The following TTBK1 variants were observed in gnomAD, a reference collection of about 807,000 sequenced individuals.
TTBK1 encodes tau-tubulin kinase 1.
In TTBK1, 34 loss-of-function variants were observed where a neutral mutation model predicts 108.5. The observed-to-expected ratio is 0.31, with a 90% CI of 0.24 to 0.42. The LOEUF (loss-of-function observed/expected upper bound fraction) is 0.42, where lower values mean the gene tolerates loss of function less well. TTBK1 is among the 10% of genes least tolerant of loss of function. The pLI is 1.00. For synonymous variants in TTBK1, 809 were observed against 795.1 expected (o/e 1.02, Z -0.29); for missense variants, 1,539 against 1,826.0 (o/e 0.84, Z 2.86).
At chr6:43,279,602 AT>A in intron 13 of TTBK1, among the ~76,000 whole-genome samples, 1 of 152,212 alleles carries the variant, frequency 6.6e-6, no homozygotes, top group Non-Finnish European at 1.5e-5. Context: ...TAGCCATAAC[AT>A]TGGTGACTGG....
rs2150708385 is a variant in TTBK1 at position 43,276,275 on chromosome 6, C to T, written c.1987-6452C>T. 6.6e-6 allele frequency among the ~76,000 whole-genome samples: 1 copy of T among 152,320 alleles called. No homozygotes were observed. The highest frequency in any genetic ancestry group is 2.4e-5 in the African/African-American group (1 of 41,568). ...AAAAACTCAAAACCACACACACGCT[C>T]ACACGCACACACACGCACACGAAGA... is the stretch of plus-strand genomic sequence containing the variant. On this transcript the variant is annotated intron_variant, in intron 13 of 14. Coordinates refer to ENST00000259750, the MANE Select transcript of TTBK1 (RefSeq NM_032538.3). The surrounding 1 kb of genome is among the most constrained non-coding windows in gnomAD (Gnocchi z 5.4).
intron 12 of TTBK1, among the ~76,000 whole-genome samples, chr6:43,261,155 C>A (rs1166453694): frequency 6.6e-6 from 1 of 152,060 alleles, no homozygotes; most frequent in African/African-American, 2.4e-5. Context: ...TGTGCACAGT[C>A]AGACTGGGCA....
At position 43,259,185 on chromosome 6, in the gene TTBK1, T is replaced by TGTCCCCCACCCC. The variant is rs752859813; in HGVS notation, c.1166_1177dup (p.Val389_Pro392dup). On this transcript the variant is annotated inframe_insertion, in exon 11 of 15. Coordinates refer to ENST00000259750, the MANE Select transcript of TTBK1 (RefSeq NM_032538.3). This position sits in a 1 kb window ranked among gnomAD's most constrained non-coding sequence, Gnocchi z 6.7. Reference sequence around the variant, plus strand: ...AGGGGCTGGGCCCCAGTCCCCACCTTGTCCCCCACCCCGGGGGTCCTGAGG... The same window carrying TGTCCCCCACCCC: ...AGGGGCTGGGCCCCAGTCCCCACCTTGTCCCCCACCCCGTCCCCCACCCCGGGGGTCCTGAGG... The TGTCCCCCACCCC allele has an allele frequency of 2.0e-5, 32 of 1,609,616 alleles. No homozygotes were observed. Among genetic ancestry groups the TGTCCCCCACCCC allele is most frequent in the Non-Finnish European group, 2.7e-5 (32 of 1,178,012 alleles).
At position 43,255,078 on chromosome 6, in the gene TTBK1, G is replaced by C. The variant is rs201422741; in HGVS notation, c.606G>C (p.Thr202=). 3.1e-6 allele frequency: 5 copies of C among 1,613,608 alleles called. No homozygotes were observed. Among genetic ancestry groups the C allele is most frequent in the African/African-American group, 1.3e-5 (1 of 74,726 alleles). The change falls in exon 7 of 15, where the codon ACG becomes ACC. Residue 202 remains threonine, a synonymous_variant. Transcript: ENST00000259750. ...GGAATGTGGCCGGGTTTCGAGGAAC[G>C]GTTCGCTATGCCTCAGTCAATGCCC... The part of the protein sequence containing the change: ...PPRNVAGFRG[T]VRYASVNAHK...
chr6:43,256,141 C>CTT lies in TTBK1; in HGVS notation c.861+297_861+298dup, dbSNP rs35194954. On this transcript the variant is annotated intron_variant, in intron 9 of 14. Transcript: ENST00000259750. The stretch of plus-strand genomic sequence containing the variant: ...TGCTCCTTATATTATTATTCCAGCT[C>CTT]TTTTTTTTTTTTTAGACATAATCTT... Among the ~76,000 whole-genome samples the CTT allele has an allele frequency of 7.3e-3, 1,064 of 145,290 alleles. 13 individuals are homozygous for CTT. The highest frequency in any genetic ancestry group is 0.022 in the African/African-American group (859 of 39,416).
chr6:43,254,775 C>T (rs1447344027), intron 6 of TTBK1, 124 bp downstream of exon 6: 5 of 885,180 alleles, frequency 5.6e-6, no homozygotes, highest in Non-Finnish European at 8.6e-6. Flanking sequence ...GTATCAGCGC[C>T]ACCCAGCTCT....
Position 43,269,985 on chromosome 6 carries a change from G to A in TTBK1, c.1986+6635G>A. ...CCCCCCCTCCTGGAGGGGGCAGGTG[G>A]GGGGGGGTGGGGAGCAGGCAGAGGA... is the stretch of plus-strand genomic sequence containing the variant. On this transcript the variant is annotated intron_variant, in intron 13 of 14. Coordinates refer to ENST00000259750, the MANE Select transcript of TTBK1 (RefSeq NM_032538.3). The surrounding 1 kb of genome is among the most constrained non-coding windows in gnomAD (Gnocchi z 4.8). 6 of 1,425,526 alleles carry A rather than the reference G, an allele frequency of 4.2e-6. No homozygotes were observed. Among genetic ancestry groups the A allele is most frequent in the Non-Finnish European group, 4.6e-6 (5 of 1,094,204 alleles). 88.3% of individuals were successfully genotyped at this position (1,425,526 alleles called of 1,614,324 possible).
chr6:43,253,011 G>A lies in TTBK1; in HGVS notation c.256+125G>A. The A allele has an allele frequency of 8.0e-7, 1 of 1,252,524 alleles. No individual in the cohort carries two copies. The highest frequency in any genetic ancestry group is 2.0e-5 in the Admixed American group (1 of 48,826). 77.6% of individuals were successfully genotyped at this position (1,252,524 alleles called of 1,614,324 possible). A position where few individuals can be genotyped will look rare whatever the true frequency, so the allele number is the denominator to read the frequency against. ...TGTGGTAGAGGGAAAAGGGGATGGA[G>A]CCAGGAGCTAAGGGGGAGGTGACGG... On this transcript the variant is annotated intron_variant, in intron 3 of 14. Coordinates refer to ENST00000259750, the MANE Select transcript of TTBK1 (RefSeq NM_032538.3). This position sits in a 1 kb window ranked among gnomAD's most constrained non-coding sequence, Gnocchi z 5.8.
chr6:43,282,937 G>A lies in TTBK1; in HGVS notation c.2197G>A (p.Glu733Lys), dbSNP rs543120452. ...APVQPQANGK[E>K]EEEEEEEDEE... ...TGTTCAGCCTCAGGCTAATGGGAAG[G>A]AGGAAGAGGAGGAGGAGGAGGAAGA... Residue 733 changes from glutamate to lysine, a missense_variant, in exon 14 of 15, where the codon GAG (glutamate) becomes AAG (lysine). Coordinates refer to ENST00000259750, the MANE Select transcript of TTBK1 (RefSeq NM_032538.3). The surrounding 1 kb of genome is among the most constrained non-coding windows in gnomAD (Gnocchi z 5.4). 5.0e-6 allele frequency: 8 copies of A among 1,612,818 alleles called. No individual in the cohort carries two copies. In the African/African-American group the frequency reaches 1.1e-4, roughly 22 times the overall value.
At chr6:43,251,362 G>A (rs537581217) in intron 2 of TTBK1, among the ~76,000 whole-genome samples, 2 of 152,378 alleles carry the variant, frequency 1.3e-5, no homozygotes, top group African/African-American at 4.8e-5. Context: ...GTTTGGGAAG[G>A]TGCACAGAGC....
Position 43,269,909 on chromosome 6 carries a change from C to A in TTBK1, c.1986+6559C>A. On this transcript the variant is annotated intron_variant, in intron 13 of 14. Coordinates refer to ENST00000259750, the MANE Select transcript of TTBK1 (RefSeq NM_032538.3). This position sits in a 1 kb window ranked among gnomAD's most constrained non-coding sequence, Gnocchi z 4.8. ...CCTCGGTGCTCCGCATCTCGCGGTC[C>A]CAGCTGCAGCAGGTGTGGGCCCGGT... 1 of 1,503,774 alleles carries A rather than the reference C, an allele frequency of 6.6e-7. No individual in the cohort carries two copies. Among genetic ancestry groups the A allele is most frequent in the Non-Finnish European group, 8.9e-7 (1 of 1,128,978 alleles). 93.2% of individuals were successfully genotyped at this position (1,503,774 alleles called of 1,614,324 possible). A position where few individuals can be genotyped will look rare whatever the true frequency, so the allele number is the denominator to read the frequency against.
rs757980204 is a variant in TTBK1, at chr6:43,285,368, G to T, written c.3958G>T (p.Ala1320Ser). The change falls in exon 15 of 15, where the codon GCC becomes TCC. Residue 1320 changes from alanine to serine, a missense_variant. Physicochemically the swap from Ala to Ser is moderately conservative, Grantham distance 99. This residue lies in a region of TTBK1 where 1,055 missense variants were observed against 1,086.5 expected (regional missense o/e 0.97). Coordinates refer to ENST00000259750, the MANE Select transcript of TTBK1 (RefSeq NM_032538.3). The surrounding 1 kb of genome is among the most constrained non-coding windows in gnomAD (Gnocchi z 4.7). ...AGGAGGCGCGGAGGGCCGGGCTGGG[G>T]CCAGATAATGACGCCCGCTGCTCTC... ...RAGGAEGRAG[A>S]R The T allele has an allele frequency of 7.0e-6, 9 of 1,278,890 alleles. No homozygotes were observed. The highest frequency in any genetic ancestry group is 1.5e-5 in the African/African-American group (1 of 64,574). The allele number at this position is 1,278,890 out of a possible 1,614,324, so 79.2% of individuals were successfully genotyped here.
Position 43,285,231 on chromosome 6 carries a change from G to C in TTBK1, c.3821G>C (p.Arg1274Pro), listed in dbSNP as rs1376684427. 1 of 1,300,710 alleles carries C rather than the reference G, an allele frequency of 7.7e-7. No homozygotes were observed. The highest frequency in any genetic ancestry group is 4.2e-5 in the Admixed American group (1 of 23,830). 80.6% of individuals were successfully genotyped at this position (1,300,710 alleles called of 1,614,324 possible). ...GCCCGGCCCGGGGTCCCCCCGCCCC[G>C]GGGCGTCCCGCCGGCCCGGGCCCAG... ...HQARPGVPPP[R>P]GVPPARAQPD... Residue 1274 changes from arginine (R) to proline (P), a missense_variant, in exon 15 of 15, where the codon CGG (arginine) becomes CCG (proline). Physicochemically the swap from Arg to Pro is moderately radical, Grantham distance 103 (BLOSUM62 -2). Transcript: ENST00000259750. This position sits in a 1 kb window ranked among gnomAD's most constrained non-coding sequence, Gnocchi z 4.7.
At chr6:43,251,030 G>A (rs1473094292) in intron 2 of TTBK1, among the ~76,000 whole-genome samples, 2 of 152,168 alleles carry the variant, frequency 1.3e-5, no homozygotes, top group Non-Finnish European at 2.9e-5. Flanking sequence ...GTTTCTCACT[G>A]TTCTTCCTCC....
At chr6:43,247,150 T>G (rs1320128064) in intron 2 of TTBK1, among the ~76,000 whole-genome samples, 2 of 151,988 alleles carry the variant, frequency 1.3e-5, no homozygotes, top group Non-Finnish European at 2.9e-5. Context: ...CATGTGTCCC[T>G]CCGCTTCCGC....
At position 43,269,971 on chromosome 6, in the gene TTBK1, G is replaced by A. The variant is rs925076805; in HGVS notation, c.1986+6621G>A. 1.0e-5 allele frequency: 15 copies of A among 1,433,464 alleles called. No homozygotes were observed. Among genetic ancestry groups the A allele is most frequent in the African/African-American group, 1.4e-5 (1 of 68,972 alleles). The allele number at this position is 1,433,464 out of a possible 1,614,324, so 88.8% of individuals were successfully genotyped here. On this transcript the variant is annotated intron_variant, in intron 13 of 14. Transcript: ENST00000259750. This position sits in a 1 kb window ranked among gnomAD's most constrained non-coding sequence, Gnocchi z 4.8. ...ACCTAGGCTGGGCCCCCCCCCTCCT[G>A]GAGGGGGCAGGTGGGGGGGGGTGGG...
Position 43,273,010 on chromosome 6 carries a change from T to A in TTBK1, c.1986+9660T>A, listed in dbSNP as rs1777875943. 6.6e-6 allele frequency among the ~76,000 whole-genome samples: 1 copy of A among 152,232 alleles called. No individual in the cohort carries two copies. The highest frequency in any genetic ancestry group is 2.4e-5 in the African/African-American group (1 of 41,446). On this transcript the variant is annotated intron_variant, in intron 13 of 14. Coordinates refer to ENST00000259750, the MANE Select transcript of TTBK1 (RefSeq NM_032538.3). The surrounding 1 kb of genome is among the most constrained non-coding windows in gnomAD (Gnocchi z 4.2). ...TGGCTTACAATTATTTGTGATTTTA[T>A]TTAATAGCCACTGGCACACAGTGCT...
At chr6:43,250,232 G>C (rs1469413333) in intron 2 of TTBK1, among the ~76,000 whole-genome samples, 1 of 151,946 alleles carries the variant, frequency 6.6e-6, no homozygotes, top group African/African-American at 2.4e-5. Flanking sequence ...GAGCCTGGCA[G>C]ATCTGGGCTT....
chr6:43,250,635 A>C (rs1002738602), intron 2 of TTBK1, among the ~76,000 whole-genome samples: 1 of 152,122 alleles, frequency 6.6e-6, no homozygotes, highest in Non-Finnish European at 1.5e-5. Context: ...CTGAGATTAC[A>C]GGCGGGAGCC....
Sources: allele counts gnomAD v4.1 joint callset (sites outside exome capture counted in the v4.1 genomes callset), GRCh38; gene constraint gnomAD v4.1.1; regional missense constraint gnomAD v4.1.1; non-coding constraint Gnocchi (gnomAD v3.1); transcripts MANE v1.5; gene names NCBI Gene and HGNC (gene_info 2026-07-23, HGNC 2026-07-21).